CTNNA3: variants seen among roughly 807,000 people sequenced by gnomAD.
The protein encoded by CTNNA3 is catenin alpha 3, also known as catenin alpha-3.
CTNNA3 carries 76 observed loss-of-function variants against 95.7 expected under a neutral mutation model. The observed-to-expected ratio is 0.79, with a 90% CI of 0.66 to 0.96. The LOEUF (loss-of-function observed/expected upper bound fraction) is 0.96, where lower values mean the gene tolerates loss of function less well. CTNNA3 is among the 40% of genes least tolerant of loss of function. The probability of loss-of-function intolerance (pLI) is 0.00; values close to 1 mark genes in which losing one functional copy is unlikely to be tolerated. For missense variants in CTNNA3, 1,191 were observed against 1,089.8 expected, an observed-to-expected ratio of 1.09 and a Z score of -1.31; for synonymous variants, 431 against 374.4, an observed-to-expected ratio of 1.15 and a Z score of -1.74.
intron 15 of CTNNA3, among the ~76,000 whole-genome samples, chr10:65,998,047 T>C (rs2078699796): frequency 6.6e-6 from 1 of 152,122 alleles, no homozygotes; most frequent in Admixed American, 6.5e-5. Flanking sequence ...ATCATAATAG[T>C]TGAGTATAAT....
chr10:67,161,045 T>C lies in CTNNA3; in HGVS notation c.1047+19272A>G, dbSNP rs540468037. Among the ~76,000 whole-genome samples, 11 of 152,108 alleles carry C rather than the reference T, an allele frequency of 7.2e-5. No homozygotes were observed. The South Asian group carries it at 2.3e-3, about 32-fold the overall frequency. ...GGATTGGGGAGGGAGAAATGGAAAG[T>C]TGCCATTCAACAGGTATAAAGTTTA... On this transcript the variant is annotated intron_variant, in intron 7 of 17. Transcript: ENST00000433211.
intron 10 of CTNNA3, among the ~76,000 whole-genome samples, chr10:66,541,702 A>G (rs960968990): frequency 2.6e-5 from 4 of 152,144 alleles, no homozygotes; most frequent in African/African-American, 9.7e-5. Flanking sequence ...TCTAATAGAT[A>G]AACTCTTAGA....
At chr10:66,239,898 A>G (rs2090028315) in intron 13 of CTNNA3, among the ~76,000 whole-genome samples, 1 of 152,004 alleles carries the variant, frequency 6.6e-6, no homozygotes, top group Non-Finnish European at 1.5e-5. Flanking sequence ...ATTCTAAAAA[A>G]AAGAAACTAT....
At chr10:66,256,531 C>T (rs1391475491) in intron 13 of CTNNA3, among the ~76,000 whole-genome samples, 1 of 151,936 alleles carries the variant, frequency 6.6e-6, no homozygotes, top group Non-Finnish European at 1.5e-5. Flanking sequence ...ACCAGCCTGG[C>T]CAACATGGAG....
intron 13 of CTNNA3, among the ~76,000 whole-genome samples, chr10:66,123,457 G>A (rs1415803495): frequency 6.6e-6 from 1 of 152,142 alleles, no homozygotes; most frequent in East Asian, 1.9e-4. Flanking sequence ...GGCATTGAGT[G>A]TGGCTTTTCT....
At chr10:67,704,474 A>G (rs1462096005) in intron 1 of CTNNA3, among the ~76,000 whole-genome samples, 15 of 151,218 alleles carry the variant, frequency 9.9e-5, no homozygotes, top group Non-Finnish European at 4.4e-5. Context: ...ATAACGCCAC[A>G]TATCTACAAC....
chr10:67,478,260 T>G (rs989646311), intron 5 of CTNNA3, among the ~76,000 whole-genome samples: 2 of 152,156 alleles, frequency 1.3e-5, no homozygotes, highest in African/African-American at 4.8e-5. Flanking sequence ...GAAAGCATAT[T>G]TGAGAGAATA....
chr10:66,937,741 A>AATC (rs1438473435), intron 7 of CTNNA3, among the ~76,000 whole-genome samples: 11 of 151,974 alleles, frequency 7.2e-5, no homozygotes, highest in Non-Finnish European at 1.3e-4. Flanking sequence ...CATGCTTCCC[A>AATC]ATCTCTGTGC....
At chr10:66,313,475 T>C (rs1282737512) in intron 12 of CTNNA3, among the ~76,000 whole-genome samples, 1 of 152,200 alleles carries the variant, frequency 6.6e-6, no homozygotes, top group Non-Finnish European at 1.5e-5. Context: ...AAACACTGTG[T>C]TCCCAAGGCG....
intron 11 of CTNNA3, among the ~76,000 whole-genome samples, chr10:66,394,949 T>C (rs561551392): frequency 6.6e-6 from 1 of 152,048 alleles, no homozygotes; most frequent in East Asian, 1.9e-4. Flanking sequence ...AGAATGCAAA[T>C]GTACAGATAA....
intron 9 of CTNNA3, among the ~76,000 whole-genome samples, chr10:66,643,125 C>T (rs1589058446): frequency 6.6e-6 from 1 of 152,260 alleles, no homozygotes; most frequent in Admixed American, 6.5e-5. Flanking sequence ...CAGAGAATAA[C>T]AAATCATCAC....
chr10:67,178,604 G>A (rs1862354482), intron 7 of CTNNA3, among the ~76,000 whole-genome samples: 1 of 151,998 alleles, frequency 6.6e-6, no homozygotes, highest in African/African-American at 2.4e-5. Flanking sequence ...GTGGGTAAGT[G>A]TGCACATGTA....
At chr10:67,740,006 T>A (rs530999552) in intron 1 of CTNNA3, among the ~76,000 whole-genome samples, 5 of 152,176 alleles carry the variant, frequency 3.3e-5, no homozygotes, top group South Asian at 2.1e-4. Context: ...TAACGCCGCA[T>A]ATCTACAACT....
chr10:65,956,901 G>C (rs1266731038), intron 17 of CTNNA3, among the ~76,000 whole-genome samples: 2 of 152,146 alleles, frequency 1.3e-5, no homozygotes, highest in Non-Finnish European at 2.9e-5. Context: ...ATGTCTATTA[G>C]GTCTGCTTGG....
intron 10 of CTNNA3, among the ~76,000 whole-genome samples, chr10:66,603,647 A>G (rs1844011154): frequency 6.6e-6 from 1 of 152,136 alleles, no homozygotes; most frequent in African/African-American, 2.4e-5. Flanking sequence ...AAAAAATGCA[A>G]AGCTCGACAT....
chr10:66,869,877 A>G (rs1844330873), intron 7 of CTNNA3, among the ~76,000 whole-genome samples: 1 of 152,164 alleles, frequency 6.6e-6, no homozygotes, highest in Admixed American at 6.5e-5. Flanking sequence ...GGAACCATGT[A>G]CCACACATAG....
rs566998448 is a variant in CTNNA3 at position 66,434,227 on chromosome 10, C to T, written c.1532-54875G>A. On this transcript the variant is annotated intron_variant, in intron 11 of 17. Coordinates refer to ENST00000433211, the MANE Select transcript of CTNNA3 (RefSeq NM_013266.4). The stretch of plus-strand genomic sequence containing the variant: ...GGAATAGCATTGAATCTATAAATTA[C>T]CCTGGGCAGTATGGCCATTTTCAAG... Among the ~76,000 whole-genome samples, 5 of 152,066 alleles carry T rather than the reference C, an allele frequency of 3.3e-5. No individual in the cohort carries two copies. The East Asian group carries it at 7.8e-4, about 24-fold the overall frequency.
intron 7 of CTNNA3, among the ~76,000 whole-genome samples, chr10:66,811,014 G>T (rs1841853754): frequency 6.6e-6 from 1 of 152,144 alleles, no homozygotes; most frequent in African/African-American, 2.4e-5. Context: ...AGTGTATATA[G>T]TGGAACTTTA....
At chr10:67,146,613 T>C (rs1456913577) in intron 7 of CTNNA3, among the ~76,000 whole-genome samples, 1 of 152,218 alleles carries the variant, frequency 6.6e-6, no homozygotes, top group Admixed American at 6.5e-5. Context: ...TCATTCTGTA[T>C]AAAGGTAAGT....
Sources: allele counts gnomAD v4.1 joint callset (sites outside exome capture counted in the v4.1 genomes callset), GRCh38; gene constraint gnomAD v4.1.1; transcripts MANE v1.5; gene names NCBI Gene and HGNC (gene_info 2026-07-23, HGNC 2026-07-21).